The following PEX7 variants were observed in gnomAD, a reference collection of about 807,000 sequenced individuals.
PEX7 encodes PTS2 receptor.
In PEX7, 34 loss-of-function variants were observed where a neutral mutation model predicts 47.5. The ratio of observed to expected loss-of-function variants is 0.72; its 90% confidence interval spans 0.54 to 0.95. The LOEUF (loss-of-function observed/expected upper bound fraction) is 0.95, where lower values mean the gene tolerates loss of function less well. Ranked by LOEUF, PEX7 falls within the 40% of genes least tolerant of loss-of-function variation. PEX7 has a pLI of 0.00. For missense variants in PEX7, 394 were observed against 400.3 expected (o/e 0.98, Z 0.13); for synonymous variants, 141 against 148.8 (o/e 0.95, Z 0.38).
At chr6:136,858,922 G>T (rs894236381) in intron 5 of PEX7, among the ~76,000 whole-genome samples, 3 of 152,076 alleles carry the variant, frequency 2.0e-5, no homozygotes, top group African/African-American at 7.2e-5. Flanking sequence ...TTTGCATAAA[G>T]TAATCCCAAC....
chr6:136,873,877 A>T (rs1775222848), intron 8 of PEX7, among the ~76,000 whole-genome samples: 1 of 152,176 alleles, frequency 6.6e-6, no homozygotes, highest in East Asian at 1.9e-4. Flanking sequence ...CCCAGCATTT[A>T]TGGAGATAAT....
At chr6:136,835,737 T>C (rs1488000293) in intron 3 of PEX7, among the ~76,000 whole-genome samples, 3 of 152,172 alleles carry the variant, frequency 2.0e-5, no homozygotes, top group South Asian at 4.1e-4. Flanking sequence ...TCTAATGACC[T>C]TCGTAAGTGT....
At chr6:136,858,546 C>G (rs1390937108) in intron 5 of PEX7, among the ~76,000 whole-genome samples, 2 of 152,132 alleles carry the variant, frequency 1.3e-5, no homozygotes, top group Non-Finnish European at 2.9e-5. Context: ...CATCTTAAGT[C>G]TTGCTGAATA....
chr6:136,891,922 G>A (rs918505105), intron 8 of PEX7, among the ~76,000 whole-genome samples: 18 of 152,208 alleles, frequency 1.2e-4, no homozygotes, highest in African/African-American at 3.6e-4. Context: ...TACCGGGCCC[G>A]ACCACTTCTA....
intron 5 of PEX7, among the ~76,000 whole-genome samples, chr6:136,862,269 G>T (rs891275152): frequency 2.0e-5 from 3 of 150,834 alleles, no homozygotes; most frequent in African/African-American, 7.3e-5. Context: ...GTAGAGACAG[G>T]GTTTTGCCAT....
chr6:136,869,889 G>A lies in PEX7; in HGVS notation c.634-1G>A. ...TTTATGTTTCTCTGAATTGTTTTTA[G>A]AATTTGCTGGTGACCGGGGCGGTTG... On this transcript the variant is annotated splice_acceptor_variant, in intron 6 of 9. Coordinates refer to ENST00000318471, the MANE Select transcript of PEX7 (RefSeq NM_000288.4). LOFTEE classifies it high-confidence loss of function. 6.2e-7 allele frequency: 1 copy of A among 1,610,634 alleles called. No homozygotes were observed. The highest frequency in any genetic ancestry group is 8.5e-7 in the Non-Finnish European group (1 of 1,176,872).
intron 5 of PEX7, among the ~76,000 whole-genome samples, chr6:136,863,256 A>T (rs1347776844): frequency 6.6e-6 from 1 of 152,128 alleles, no homozygotes; most frequent in Non-Finnish European, 1.5e-5. Flanking sequence ...AGTAAGAAAA[A>T]TCCCAAGTAC....
intron 7 of PEX7, 62 bp downstream of exon 7, chr6:136,870,065 G>A (rs920486261): frequency 9.4e-7 from 1 of 1,062,150 alleles, no homozygotes; most frequent in Non-Finnish European, 1.4e-6. Flanking sequence ...TCAATGAAGT[G>A]TATATTAAAA....
chr6:136,827,102 A>G (rs913586642), intron 3 of PEX7, among the ~76,000 whole-genome samples: 2 of 152,242 alleles, frequency 1.3e-5, no homozygotes, highest in African/African-American at 4.8e-5. Context: ...TTAAGGGAGC[A>G]GTACATCCTT....
intron 8 of PEX7, among the ~76,000 whole-genome samples, chr6:136,897,553 A>G (rs896020450): frequency 3.3e-5 from 5 of 152,198 alleles, no homozygotes; most frequent in Non-Finnish European, 5.9e-5. Flanking sequence ...TAGGAATTAT[A>G]TTGATGTGGA....
chr6:136,841,248 A>G (rs1435197130), intron 3 of PEX7, among the ~76,000 whole-genome samples: 1 of 152,220 alleles, frequency 6.6e-6, no homozygotes, highest in African/African-American at 2.4e-5. Flanking sequence ...GTTAATGCCC[A>G]AACCCTGTCT....
chr6:136,883,453 C>T (rs60391090), intron 8 of PEX7, among the ~76,000 whole-genome samples: 2,612 of 152,234 alleles, frequency 0.017, 77 homozygotes, highest in African/African-American at 0.06. Flanking sequence ...TTTACACCGT[C>T]GATCATACCT....
At chr6:136,844,729 A>G (rs551971550) in intron 3 of PEX7, among the ~76,000 whole-genome samples, 4 of 152,096 alleles carry the variant, frequency 2.6e-5, no homozygotes, top group Non-Finnish European at 2.9e-5. Flanking sequence ...GATTCCACCT[A>G]TAAGTGACGG....
At chr6:136,846,745 G>A (rs974696543) in intron 5 of PEX7, among the ~76,000 whole-genome samples, 4 of 152,116 alleles carry the variant, frequency 2.6e-5, no homozygotes, top group Non-Finnish European at 4.4e-5. Context: ...GTCTATCATT[G>A]TTGGACATTT....
chr6:136,897,086 T>C (rs1775665111), intron 8 of PEX7, among the ~76,000 whole-genome samples: 1 of 152,238 alleles, frequency 6.6e-6, no homozygotes, highest in South Asian at 2.1e-4. Context: ...TATTTACTCA[T>C]TGTTTCTTTG....
chr6:136,854,070 CAT>C (rs1211647452), intron 5 of PEX7, among the ~76,000 whole-genome samples: 1 of 89,556 alleles, frequency 1.1e-5, no homozygotes, highest in Admixed American at 1.1e-4. Flanking sequence ...CCTTCTGTAA[CAT>C]AGTTAACCTT....
intron 8 of PEX7, among the ~76,000 whole-genome samples, chr6:136,872,935 C>A (rs571419406): frequency 6.6e-6 from 1 of 152,236 alleles, no homozygotes; most frequent in African/African-American, 2.4e-5. Context: ...GAGCTCAGCA[C>A]TTGCTTAGAG....
At chr6:136,891,941 T>C (rs910580444) in intron 8 of PEX7, among the ~76,000 whole-genome samples, 1 of 152,138 alleles carries the variant, frequency 6.6e-6, no homozygotes, top group Non-Finnish European at 1.5e-5. Flanking sequence ...TATTTTTTAA[T>C]CCCTTCCAAA....
chr6:136,863,950 C>CCAGCAACACAAGGAGG (rs1339252706), intron 5 of PEX7, among the ~76,000 whole-genome samples: 2 of 152,128 alleles, frequency 1.3e-5, no homozygotes, highest in African/African-American at 4.8e-5. Context: ...CATTTGTCGT[C>CCAGCAACACAAGGAGG]CAGCAACACA....
Sources: gnomAD v4.1 joint callset for allele counts (sites outside exome capture counted in the v4.1 genomes callset) on GRCh38, gnomAD v4.1.1 for gene constraint, MANE v1.5 for transcripts, NCBI Gene and HGNC (gene_info 2026-07-23, HGNC 2026-07-21) for gene names.